Variants in HS6ST3 observed in about 807,000 individuals in gnomAD.
The protein encoded by HS6ST3 is heparan sulfate 6-O-sulfotransferase 3.
In HS6ST3, 12 loss-of-function variants were observed where a neutral mutation model predicts 36.7. The observed-to-expected ratio is 0.33, with a 90% confidence interval of 0.21 to 0.53. HS6ST3 has a LOEUF of 0.53. Ranked by LOEUF, HS6ST3 falls within the 20% of genes least tolerant of loss-of-function variation. HS6ST3 has a pLI of 0.95. For synonymous variants in HS6ST3, 240 were observed against 257.5 expected (o/e 0.93, Z 0.65); for missense variants, 584 against 640.9 (o/e 0.91, Z 0.96).
intron 1 of HS6ST3, among the ~76,000 whole-genome samples, chr13:96,706,729 T>C (rs1875437909): frequency 6.6e-6 from 1 of 151,966 alleles, no homozygotes; most frequent in Admixed American, 6.6e-5. Flanking sequence ...ACGTAGACAT[T>C]TTTTTAAAAA....
At chr13:96,093,597 T>C (rs1226184830) in intron 1 of HS6ST3, among the ~76,000 whole-genome samples, 1 of 152,014 alleles carries the variant, frequency 6.6e-6, no homozygotes, top group Non-Finnish European at 1.5e-5. Context: ...TTTTTTTTGG[T>C]AGTATTTTGT....
intron 1 of HS6ST3, among the ~76,000 whole-genome samples, chr13:96,265,338 C>A (rs769430537): frequency 6.6e-6 from 1 of 152,068 alleles, no homozygotes; most frequent in African/African-American, 2.4e-5. Flanking sequence ...CCATGCCCAG[C>A]TAATTAAAAA....
intron 1 of HS6ST3, among the ~76,000 whole-genome samples, chr13:96,229,487 T>G (rs2054497437): frequency 6.6e-6 from 1 of 152,202 alleles, no homozygotes; most frequent in Non-Finnish European, 1.5e-5. Flanking sequence ...GATAGCTCCC[T>G]TCTCATGGTG....
At chr13:96,525,365 C>A (rs1019255881) in intron 1 of HS6ST3, among the ~76,000 whole-genome samples, 4 of 152,130 alleles carry the variant, frequency 2.6e-5, no homozygotes, top group African/African-American at 9.7e-5. Context: ...TCTATAGCCA[C>A]CCATTTCCTT....
At chr13:96,702,430 T>A (rs1353088814) in intron 1 of HS6ST3, among the ~76,000 whole-genome samples, 2 of 152,230 alleles carry the variant, frequency 1.3e-5, no homozygotes, top group Non-Finnish European at 2.9e-5. Flanking sequence ...TGGCATTTTT[T>A]AAAAGAAAAT....
chr13:96,223,611 T>G (rs1178823401), intron 1 of HS6ST3, among the ~76,000 whole-genome samples: 1 of 151,416 alleles, frequency 6.6e-6, no homozygotes. Flanking sequence ...TACTTTGTGG[T>G]GATACAAAAT....
At chr13:96,104,164 A>G (rs1172090598) in intron 1 of HS6ST3, among the ~76,000 whole-genome samples, 1 of 152,206 alleles carries the variant, frequency 6.6e-6, no homozygotes, top group Non-Finnish European at 1.5e-5. Flanking sequence ...GAATTGTTCT[A>G]TTCATACTTG....
rs546497255 is a variant in HS6ST3, at chr13:96,334,881, A to C, written c.707+243312A>C. Among the ~76,000 whole-genome samples, 21 of 152,342 alleles carry C rather than the reference A, an allele frequency of 1.4e-4. 1 individual carries two copies. Among genetic ancestry groups the C allele is most frequent in the African/African-American group, 4.8e-4 (20 of 41,572 alleles). On this transcript the variant is annotated intron_variant, in intron 1 of 1. Coordinates refer to ENST00000376705, the MANE Select transcript of HS6ST3 (RefSeq NM_153456.4). ...AGGTATTTCTTTATAACAACACAAGAATGGACTAACACATAGGTATAAGTT... is the reference window on the plus strand; with the variant it reads ...AGGTATTTCTTTATAACAACACAAGCATGGACTAACACATAGGTATAAGTT...
At position 96,348,337 on chromosome 13, in the gene HS6ST3, C is replaced by T. The variant is rs961900449; in HGVS notation, c.707+256768C>T. On this transcript the variant is annotated intron_variant, in intron 1 of 1. Transcript: ENST00000376705. ...TATTATTGTAGTTCCAATTACTCCT[C>T]ATCAGGAGGTGTTGGCTATTCACAT... Among the ~76,000 whole-genome samples the T allele has an allele frequency of 4.6e-5, 7 of 152,198 alleles. No individual in the cohort carries two copies. The East Asian group carries it at 1.3e-3, about 29-fold the overall frequency.
chr13:96,536,692 G>T (rs370044115), intron 1 of HS6ST3, among the ~76,000 whole-genome samples: 1 of 152,152 alleles, frequency 6.6e-6, no homozygotes, highest in South Asian at 2.1e-4. Context: ...ATTGGTGCTT[G>T]CCACCCTCTA....
chr13:96,807,153 A>C (rs1878214117), intron 1 of HS6ST3, among the ~76,000 whole-genome samples: 1 of 152,172 alleles, frequency 6.6e-6, no homozygotes, highest in Admixed American at 6.5e-5. Context: ...GAAGCAATGA[A>C]CACCATGCCT....
intron 1 of HS6ST3, among the ~76,000 whole-genome samples, chr13:96,748,060 C>T (rs1009654333): frequency 6.6e-6 from 1 of 152,100 alleles, no homozygotes; most frequent in Non-Finnish European, 1.5e-5. Context: ...CTCCTATTGG[C>T]TTGTCTCTTT....
At chr13:96,382,232 G>A (rs2139446847) in intron 1 of HS6ST3, among the ~76,000 whole-genome samples, 1 of 152,278 alleles carries the variant, frequency 6.6e-6, no homozygotes, top group African/African-American at 2.4e-5. Context: ...TTTATCAGAT[G>A]TTAAGGAACC....
intron 1 of HS6ST3, among the ~76,000 whole-genome samples, chr13:96,500,744 C>G (rs2056000360): frequency 6.6e-6 from 1 of 152,208 alleles, no homozygotes; most frequent in Non-Finnish European, 1.5e-5. Context: ...AATTATCACT[C>G]TGTGACATGT....
intron 1 of HS6ST3, among the ~76,000 whole-genome samples, chr13:96,254,976 G>A (rs1026287365): frequency 1.3e-5 from 2 of 152,164 alleles, no homozygotes; most frequent in Non-Finnish European, 2.9e-5. Flanking sequence ...GATTTCAGCT[G>A]TTTAAAAACC....
intron 1 of HS6ST3, among the ~76,000 whole-genome samples, chr13:96,251,415 T>C (rs2054607443): frequency 6.6e-6 from 1 of 152,182 alleles, no homozygotes; most frequent in Admixed American, 6.5e-5. Flanking sequence ...TTTGTGTTTC[T>C]GTGGTAACAA....
At chr13:96,433,341 G>T (rs937364261) in intron 1 of HS6ST3, among the ~76,000 whole-genome samples, 2 of 152,060 alleles carry the variant, frequency 1.3e-5, no homozygotes, top group African/African-American at 4.8e-5. Context: ...GAATTGATAT[G>T]GTTTGGCTGT....
At chr13:96,170,237 A>G (rs1359200632) in intron 1 of HS6ST3, among the ~76,000 whole-genome samples, 2 of 152,216 alleles carry the variant, frequency 1.3e-5, no homozygotes, top group South Asian at 2.1e-4. Flanking sequence ...CTTATATTCA[A>G]TCTGCACCAC....
At chr13:96,254,448 AATATATATATATATATATATATAT>A (rs869064004) in intron 1 of HS6ST3, among the ~76,000 whole-genome samples, 13 of 16,532 alleles carry the variant, frequency 7.9e-4, no homozygotes, top group African/African-American at 1.9e-3. Context: ...AAAAAAAAAA[AATATATATATATATATATATATAT>A]ATATATATAT....
Sources: allele counts gnomAD v4.1 joint callset (sites outside exome capture counted in the v4.1 genomes callset), GRCh38; gene constraint gnomAD v4.1.1; transcripts MANE v1.5; gene names NCBI Gene and HGNC (gene_info 2026-07-23, HGNC 2026-07-21).